The following DSCAM variants were observed in gnomAD, a reference collection of about 807,000 sequenced individuals.
The protein encoded by DSCAM is DS cell adhesion molecule, also known as cell adhesion molecule DSCAM.
DSCAM carries 47 observed loss-of-function variants against 217.7 expected under a neutral mutation model. That is an observed-to-expected ratio of 0.22 (90% confidence interval 0.17 to 0.28). The LOEUF (loss-of-function observed/expected upper bound fraction) is 0.28. DSCAM is among the 10% of genes least tolerant of loss of function. The pLI, the probability that DSCAM is intolerant of heterozygous loss-of-function variation, is 1.00. For missense variants in DSCAM, 2,080 were observed against 2,618.3 expected (o/e 0.79, Z 4.49); for synonymous variants, 1,056 against 1,015.3 (o/e 1.04, Z -0.76).
chr21:40,810,439 C>T (rs923162379), intron 1 of DSCAM, among the ~76,000 whole-genome samples: 1 of 152,136 alleles, frequency 6.6e-6, no homozygotes, highest in African/African-American at 2.4e-5. Context: ...CGAGTCTGTT[C>T]CTGGTGGGTA....
chr21:40,220,533 G>A (rs1175358657), intron 11 of DSCAM, among the ~76,000 whole-genome samples: 1 of 152,098 alleles, frequency 6.6e-6, no homozygotes, highest in East Asian at 1.9e-4. Flanking sequence ...TAATTAAAAT[G>A]GTTTTCCTCC....
chr21:40,493,555 A>C (rs1043721420), intron 3 of DSCAM, among the ~76,000 whole-genome samples: 1 of 152,116 alleles, frequency 6.6e-6, no homozygotes, highest in Non-Finnish European at 1.5e-5. Flanking sequence ...AAAGATCCAA[A>C]TTGTGACATC....
intron 3 of DSCAM, among the ~76,000 whole-genome samples, chr21:40,412,391 G>A (rs986454187): frequency 2.0e-5 from 3 of 152,186 alleles, no homozygotes; most frequent in South Asian, 2.1e-4. Context: ...GAGCCTAGTT[G>A]AATGGCTTTA....
intron 1 of DSCAM, among the ~76,000 whole-genome samples, chr21:40,797,529 T>C (rs979888436): frequency 2.0e-5 from 3 of 152,224 alleles, no homozygotes; most frequent in Non-Finnish European, 2.9e-5. Context: ...ATTCATGACA[T>C]GAGACATTTC....
At chr21:40,777,067 C>T (rs961017932) in intron 1 of DSCAM, among the ~76,000 whole-genome samples, 8 of 152,174 alleles carry the variant, frequency 5.3e-5, no homozygotes, top group Non-Finnish European at 1.2e-4. Flanking sequence ...ATGTATTTCT[C>T]ACAGTTCTGG....
intron 3 of DSCAM, chr21:40,385,214 C>G (rs934383032): frequency 6.6e-6 from 1 of 152,146 alleles, no homozygotes; most frequent in African/African-American, 2.4e-5. Context: ...CTCACTTTTC[C>G]CATCCAACGT....
At chr21:40,261,652 T>TACACACACACACACAC (rs71186922) in intron 11 of DSCAM, among the ~76,000 whole-genome samples, 5 of 133,518 alleles carry the variant, frequency 3.7e-5, no homozygotes, top group African/African-American at 1.7e-4. Context: ...TCTCTCTCTC[T>TACACACACACACACAC]ACACACACAC....
intron 11 of DSCAM, among the ~76,000 whole-genome samples, chr21:40,254,308 G>A (rs902115753): frequency 2.6e-5 from 4 of 151,448 alleles, no homozygotes; most frequent in African/African-American, 4.9e-5. Flanking sequence ...GGGGGAGGGT[G>A]GAATATCACA....
chr21:40,210,604 G>T (rs1204759030), intron 11 of DSCAM, among the ~76,000 whole-genome samples: 2 of 152,198 alleles, frequency 1.3e-5, no homozygotes, highest in Non-Finnish European at 2.9e-5. Context: ...GAGTGCAGTG[G>T]CACGATCTTG....
intron 3 of DSCAM, among the ~76,000 whole-genome samples, chr21:40,669,605 T>G (rs903377713): frequency 1.7e-4 from 25 of 150,696 alleles, no homozygotes; most frequent in African/African-American, 5.9e-4. Flanking sequence ...TTTTTTTTTT[T>G]GAGACAGAGT....
chr21:40,129,809 C>T (rs577430995), intron 19 of DSCAM, among the ~76,000 whole-genome samples: 1 of 152,318 alleles, frequency 6.6e-6, no homozygotes, highest in Admixed American at 6.5e-5. Context: ...GGTGTGGTCA[C>T]ATAGTCACCC....
chr21:40,777,459 T>C (rs1308395407), intron 1 of DSCAM, among the ~76,000 whole-genome samples: 1 of 152,178 alleles, frequency 6.6e-6, no homozygotes, highest in East Asian at 1.9e-4. Context: ...CCATCAGATA[T>C]TCAAGGAATG....
chr21:40,021,106 G>C (rs2989340), intron 32 of DSCAM, among the ~76,000 whole-genome samples: 29,270 of 147,330 alleles, frequency 0.2, 3,140 homozygotes, highest in South Asian at 0.35. Flanking sequence ...GAGACACACA[G>C]AGAGAGAGAG....
At chr21:40,759,024 C>T (rs568786083) in intron 1 of DSCAM, among the ~76,000 whole-genome samples, 9 of 152,222 alleles carry the variant, frequency 5.9e-5, no homozygotes, top group South Asian at 2.1e-4. Flanking sequence ...TACAGGGATC[C>T]GGACTGCACA....
intron 6 of DSCAM, among the ~76,000 whole-genome samples, chr21:40,342,626 G>GTATATATA (rs1244685654): frequency 4.2e-4 from 40 of 94,710 alleles, no homozygotes; most frequent in East Asian, 1.2e-3. Context: ...GTGTGTGTGT[G>GTATATATA]TATATATATA....
chr21:40,539,421 G>A (rs940838384), intron 3 of DSCAM, among the ~76,000 whole-genome samples: 5 of 151,966 alleles, frequency 3.3e-5, no homozygotes, highest in African/African-American at 4.8e-5. Context: ...GCGTGAACCC[G>A]GGAGGCAGAG....
intron 3 of DSCAM, among the ~76,000 whole-genome samples, chr21:40,560,002 C>T (rs1236809680): frequency 6.6e-6 from 1 of 152,010 alleles, no homozygotes; most frequent in African/African-American, 2.4e-5. Flanking sequence ...ACCGTGTTAG[C>T]CAGGATGGTC....
intron 11 of DSCAM, among the ~76,000 whole-genome samples, chr21:40,198,930 G>A (rs1397135796): frequency 6.6e-6 from 1 of 152,214 alleles, no homozygotes; most frequent in Non-Finnish European, 1.5e-5. Flanking sequence ...CGATGATGCT[G>A]TCCCTGAATG....
intron 1 of DSCAM, among the ~76,000 whole-genome samples, chr21:40,791,581 A>G (rs2091643983): frequency 6.6e-6 from 1 of 152,200 alleles, no homozygotes; most frequent in Non-Finnish European, 1.5e-5. Flanking sequence ...TGAACCCAGG[A>G]GGTGGAGCTT....
Sources: gnomAD v4.1 joint callset for allele counts (sites outside exome capture counted in the v4.1 genomes callset) on GRCh38, gnomAD v4.1.1 for gene constraint, MANE v1.5 for transcripts, NCBI Gene and HGNC (gene_info 2026-07-23, HGNC 2026-07-21) for gene names.